The following CCDC136 variants were observed in gnomAD, a reference collection of about 807,000 sequenced individuals.
CCDC136 encodes the protein coiled-coil domain-containing protein 136.
Under a neutral mutation model 141.2 loss-of-function variants are expected in CCDC136, and 100 were observed. The observed-to-expected ratio is 0.71, with a 90% CI of 0.60 to 0.84. The LOEUF is 0.84. CCDC136 is among the 40% of genes least tolerant of loss of function. The pLI, the probability that CCDC136 is intolerant of heterozygous loss-of-function variation, is 0.00. For synonymous variants in CCDC136, 474 were observed against 531.9 expected (o/e 0.89, Z 1.50); for missense variants, 1,206 against 1,379.4 (o/e 0.87, Z 1.99).
chr7:128,813,708 C>T (rs1469457821), intron 14 of CCDC136, among the ~76,000 whole-genome samples: 7 of 152,132 alleles, frequency 4.6e-5, no homozygotes, highest in Non-Finnish European at 1.0e-4. Flanking sequence ...AGGCCAGGTG[C>T]GGTGGCTCAC....
chr7:128,794,853 C>A lies in CCDC136; in HGVS notation c.346+85C>A. ...TTTTCCTGAGGGTTTGACTGAAGCA[C>A]AGCAGATAAAAATAACCAAATTCAG... On this transcript the variant is annotated intron_variant, in intron 3 of 17. Transcript: ENST00000297788. This position sits in a 1 kb window ranked among gnomAD's most constrained non-coding sequence, Gnocchi z 4.3. 1 of 1,046,826 alleles carries A rather than the reference C, an allele frequency of 9.6e-7. No homozygotes were observed. Among genetic ancestry groups the A allele is most frequent in the South Asian group, 1.4e-5 (1 of 70,174 alleles). The allele number at this position is 1,046,826 out of a possible 1,614,324, so 64.8% of individuals were successfully genotyped here. A position where few individuals can be genotyped will look rare whatever the true frequency, so the allele number is the denominator to read the frequency against.
In CCDC136 at chr7:128,812,331, C is replaced by G. The variant is rs1172062073; in HGVS notation, c.2541+19C>G. On this transcript the variant is annotated intron_variant, in intron 13 of 17. Coordinates refer to ENST00000297788, the MANE Select transcript of CCDC136 (RefSeq NM_022742.5). ...CATGGAGGTAATGGTTGCCAGGTGA[C>G]AGGTCAGGCAGGGGACGATGGACTC... The G allele has an allele frequency of 1.2e-6, 2 of 1,602,826 alleles. No individual in the cohort carries two copies. The highest frequency in any genetic ancestry group is 1.7e-6 in the Non-Finnish European group (2 of 1,175,396).
intron 15 of CCDC136, 90 bp downstream of exon 15, chr7:128,815,009 A>G (rs1317799360): frequency 1.8e-6 from 2 of 1,126,452 alleles, no homozygotes; most frequent in Non-Finnish European, 2.5e-6. Flanking sequence ...CAACCAGGCA[A>G]GGGATTTGTA....
At chr7:128,796,993 G>T (rs536192887) in intron 3 of CCDC136, among the ~76,000 whole-genome samples, 7 of 151,566 alleles carry the variant, frequency 4.6e-5, no homozygotes, top group Non-Finnish European at 1.0e-4. Flanking sequence ...CGCCCGCCTC[G>T]GCCTCCCAAA....
intron 12 of CCDC136, 65 bp downstream of exon 12, chr7:128,810,431 C>A: frequency 8.3e-7 from 1 of 1,209,006 alleles, no homozygotes; most frequent in Non-Finnish European, 1.2e-6. Context: ...AGAGAGTGGG[C>A]ACCGCCGAAG....
Position 128,801,379 on chromosome 7 carries a change from T to G in CCDC136, c.540T>G (p.Asn180Lys). Residue 180 changes from asparagine to lysine, a missense_variant, in exon 4 of 18, where the codon AAT (asparagine) becomes AAG (lysine). By Grantham distance (94) the Asn-to-Lys change is moderately conservative. Coordinates refer to ENST00000297788, the MANE Select transcript of CCDC136 (RefSeq NM_022742.5). Reference protein sequence around the residue: ...SLQEDLCRMQNELEDMERIRG... With the variant: ...SLQEDLCRMQKELEDMERIRG... Reference sequence around the variant, plus strand: ...AGGAGGATCTCTGCCGGATGCAGAATGAACTTGAAGACATGGAACGCATTC... The same window carrying G: ...AGGAGGATCTCTGCCGGATGCAGAAGGAACTTGAAGACATGGAACGCATTC... 6.2e-7 allele frequency: 1 copy of G among 1,613,426 alleles called. No individual in the cohort carries two copies. Among genetic ancestry groups the G allele is most frequent in the Non-Finnish European group, 8.5e-7 (1 of 1,179,692 alleles).
intron 9 of CCDC136, 46 bp downstream of exon 9, chr7:128,806,904 T>A: frequency 2.6e-6 from 4 of 1,544,502 alleles, no homozygotes; most frequent in Non-Finnish European, 3.5e-6. Flanking sequence ...GGCATCATCT[T>A]GTGTGAGGGT....
chr7:128,819,848 G>A (rs1807197500), intron 17 of CCDC136, among the ~76,000 whole-genome samples: 1 of 152,118 alleles, frequency 6.6e-6, no homozygotes, highest in African/African-American at 2.4e-5. Context: ...CCATACTTGT[G>A]TTTAGGCAAC....
chr7:128,799,391 C>T (rs1407379278), intron 3 of CCDC136, among the ~76,000 whole-genome samples: 4 of 151,772 alleles, frequency 2.6e-5, no homozygotes, highest in Non-Finnish European at 5.9e-5. Context: ...GTTCTGTACA[C>T]ATAAGAGATA....
intron 17 of CCDC136, among the ~76,000 whole-genome samples, chr7:128,818,924 A>C (rs1807060674): frequency 6.6e-6 from 1 of 152,156 alleles, no homozygotes; most frequent in Admixed American, 6.5e-5. Flanking sequence ...CTTAATGCAC[A>C]GGGTGGCAAC....
intron 14 of CCDC136, among the ~76,000 whole-genome samples, chr7:128,814,151 T>A (rs1041205019): frequency 2.0e-5 from 3 of 151,584 alleles, no homozygotes; most frequent in African/African-American, 7.3e-5. Context: ...AGTGGCACGA[T>A]CTCAGCTTCC....
chr7:128,814,651 A>G lies in CCDC136; in HGVS notation c.2777A>G (p.Gln926Arg). 6.3e-7 allele frequency: 1 copy of G among 1,585,126 alleles called. No individual in the cohort carries two copies. Among genetic ancestry groups the G allele is most frequent in the East Asian group, 2.2e-5 (1 of 44,468 alleles). Residue 926 changes from glutamine to arginine, a missense_variant, in exon 15 of 18, where the codon CAG becomes CGG. Gln to Arg is a conservative substitution (Grantham distance 43). Transcript: ENST00000297788. ...CACTACCAACAGATCAAAGAACTGC[A>G]GACCAAGCTGCGGGAGCTGCAGCTG... ...QNDKNEIKELQTKLRELQLQY... is the reference protein window; with the variant it reads ...QNDKNEIKELRTKLRELQLQY...
At chr7:128,810,044 G>A in intron 11 of CCDC136, 95 bp from the exon 12 acceptor site, 1 of 750,548 alleles carries the variant, frequency 1.3e-6, no homozygotes, top group Non-Finnish European at 2.2e-6. Context: ...ATTCTTCAGG[G>A]AATTGTTCAC....
chr7:128,791,543 C>G (rs1585037299), upstream of CCDC136: 21 of 1,286,524 alleles, frequency 1.6e-5, no homozygotes, highest in Non-Finnish European at 2.1e-5. This position sits in a 1 kb window ranked among gnomAD's most constrained non-coding sequence, Gnocchi z 7.1. Context: ...TGGAGCTGCC[C>G]GGGCCCAGGT....
rs61740835 is a variant in CCDC136 at position 128,810,186 on chromosome 7, G to A, written c.1848G>A (p.Leu616=). ...TAGAAGACCTGTGTGAGCTGCAGCT[G>A]CTCTACCAAGGCATGCAGGAGGAAC... is the stretch of plus-strand genomic sequence containing the variant. ...TKLEDLCELQ[L]LYQGMQEEQK... The change falls in exon 12 of 18, where the codon CTG becomes CTA. Residue 616 remains leucine, a synonymous_variant. Coordinates refer to ENST00000297788, the MANE Select transcript of CCDC136 (RefSeq NM_022742.5). 8 of 1,607,414 alleles carry A rather than the reference G, an allele frequency of 5.0e-6. No homozygotes were observed. Among genetic ancestry groups the A allele is most frequent in the Non-Finnish European group, 5.9e-6 (7 of 1,176,772 alleles).
At chr7:128,808,302 G>A (rs1199277767) in intron 10 of CCDC136, among the ~76,000 whole-genome samples, 1 of 152,218 alleles carries the variant, frequency 6.6e-6, no homozygotes, top group East Asian at 1.9e-4. Context: ...CTCCCAAGGT[G>A]CTGGGATTAC....
intron 4 of CCDC136, among the ~76,000 whole-genome samples, chr7:128,803,720 G>C (rs1196882234): frequency 6.6e-6 from 1 of 152,028 alleles, no homozygotes; most frequent in Non-Finnish European, 1.5e-5. Context: ...ATGTGCTGGA[G>C]TATTTCAACC....
At chr7:128,806,505 T>A in intron 8 of CCDC136, 110 bp downstream of exon 8, 1 of 1,152,578 alleles carries the variant, frequency 8.7e-7, no homozygotes, top group East Asian at 2.6e-5. Flanking sequence ...AGCAACCACA[T>A]AGGCAGCACC....
chr7:128,798,946 T>C (rs1483775522), intron 3 of CCDC136, among the ~76,000 whole-genome samples: 1 of 144,286 alleles, frequency 6.9e-6, no homozygotes, highest in Non-Finnish European at 1.5e-5. Context: ...AGGGTAGATC[T>C]TCCCCTGAGA....
Sources: allele counts gnomAD v4.1 joint callset (sites outside exome capture counted in the v4.1 genomes callset), GRCh38; gene constraint gnomAD v4.1.1; non-coding constraint Gnocchi (gnomAD v3.1); transcripts MANE v1.5; gene names NCBI Gene and HGNC (gene_info 2026-07-23, HGNC 2026-07-21).